The following NME7 variants were observed in gnomAD, a reference collection of about 807,000 sequenced individuals.
NME7 encodes the protein NME/NM23 family member 7.
In NME7, 41 loss-of-function variants were observed where a neutral mutation model predicts 49.1. That is an observed-to-expected ratio of 0.83 (90% confidence interval 0.65 to 1.08). NME7 has a LOEUF of 1.08. Among genes scored for constraint, NME7 ranks in the 50% least tolerant of loss-of-function variants. The pLI is 0.00. For missense variants in NME7, 423 were observed against 463.4 expected (o/e 0.91, Z 0.80); for synonymous variants, 139 against 150.6 (o/e 0.92, Z 0.56).
In NME7 at chr1:169,367,694, C is replaced by G. The variant is rs376146232; in HGVS notation, c.3+14G>C. On this transcript the variant is annotated intron_variant, in intron 1 of 11. Coordinates refer to ENST00000367811, the MANE Select transcript of NME7 (RefSeq NM_013330.5). ...GACCCCAGAGCCGTTCTTCTGGCAT[C>G]CCCTGGCACTCACCATTGTCTCAGG... is the stretch of plus-strand genomic sequence containing the variant. 1 of 1,614,044 alleles carries G rather than the reference C, an allele frequency of 6.2e-7. No homozygotes were observed. The highest frequency in any genetic ancestry group is 1.7e-5 in the Admixed American group (1 of 60,006).
At chr1:169,259,826 C>T (rs1420876837) in intron 7 of NME7, among the ~76,000 whole-genome samples, 2 of 133,814 alleles carry the variant, frequency 1.5e-5, no homozygotes, top group East Asian at 2.0e-4. Flanking sequence ...CTTTTAAAAA[C>T]GGAGAAGAAA....
At position 169,207,615 on chromosome 1, in the gene NME7, G is replaced by A. The variant is rs555815742; in HGVS notation, c.990+23103C>T. Among the ~76,000 whole-genome samples, 11 of 152,170 alleles carry A rather than the reference G, an allele frequency of 7.2e-5. No homozygotes were observed. In the South Asian group the frequency reaches 2.3e-3, roughly 32 times the overall value. On this transcript the variant is annotated intron_variant, in intron 10 of 11. Coordinates refer to ENST00000367811, the MANE Select transcript of NME7 (RefSeq NM_013330.5). Reference sequence around the variant, plus strand: ...TTTTTCCAAATTCCTTTAACTAAAGGCAATCTTTTTCACCTTATAACTAGA... The same window carrying A: ...TTTTTCCAAATTCCTTTAACTAAAGACAATCTTTTTCACCTTATAACTAGA...
rs1235416813 is a variant in NME7, at chr1:169,274,855, T to A, written c.754+12448A>T. Reference sequence around the variant, plus strand: ...CTGTTTTGGTACCAGTACCATGCTGTTTTGGTTACTGTAGCCTTGTAGTAT... The same window carrying A: ...CTGTTTTGGTACCAGTACCATGCTGATTTGGTTACTGTAGCCTTGTAGTAT... On this transcript the variant is annotated intron_variant, in intron 7 of 11. Transcript: ENST00000367811. 3.7e-5 allele frequency among the ~76,000 whole-genome samples: 5 copies of A among 133,806 alleles called. 1 individual carries two copies. In the South Asian group the frequency reaches 1.2e-3, roughly 31 times the overall value. 87.8% of individuals were successfully genotyped at this position (133,806 alleles called of 152,430 possible). A position where few individuals can be genotyped will look rare whatever the true frequency, so the allele number is the denominator to read the frequency against.
chr1:169,246,540 A>C (rs962639942), intron 7 of NME7, among the ~76,000 whole-genome samples: 1 of 152,180 alleles, frequency 6.6e-6, no homozygotes, highest in African/African-American at 2.4e-5. Flanking sequence ...TTCCTTACCA[A>C]TTTCCTAACA....
intron 5 of NME7, 133 bp from the exon 6 acceptor site, chr1:169,298,896 A>G: frequency 1.2e-6 from 1 of 813,476 alleles, no homozygotes; most frequent in Non-Finnish European, 1.9e-6. Context: ...CATTAAGCAT[A>G]GTTAATTTTA....
At chr1:169,217,943 T>C (rs1302691291) in intron 10 of NME7, among the ~76,000 whole-genome samples, 1 of 152,158 alleles carries the variant, frequency 6.6e-6, no homozygotes, top group East Asian at 1.9e-4. Flanking sequence ...ACATTTATAC[T>C]TCCCTTTTCT....
intron 1 of NME7, among the ~76,000 whole-genome samples, chr1:169,327,852 T>C (rs762501621): frequency 3.3e-5 from 5 of 152,188 alleles, no homozygotes; most frequent in Non-Finnish European, 5.9e-5. Flanking sequence ...GTGGATCATA[T>C]GAAATTAACA....
At chr1:169,203,052 A>G (rs12039443) in intron 10 of NME7, among the ~76,000 whole-genome samples, 56,090 of 151,956 alleles carry the variant, frequency 0.37, 10,952 homozygotes, top group Non-Finnish European at 0.44. Context: ...ACTGCACAGG[A>G]TGGCTTGCCT....
At chr1:169,295,843 T>C (rs1021956847) in intron 6 of NME7, among the ~76,000 whole-genome samples, 3 of 152,146 alleles carry the variant, frequency 2.0e-5, no homozygotes, top group Non-Finnish European at 4.4e-5. Flanking sequence ...CAATACCTTA[T>C]ACCTCATCCT....
intron 1 of NME7, among the ~76,000 whole-genome samples, chr1:169,339,666 A>T (rs1163237416): frequency 6.6e-6 from 1 of 152,182 alleles, no homozygotes; most frequent in Non-Finnish European, 1.5e-5. Flanking sequence ...GATGTGCTAG[A>T]CATTTTCCAT....
At chr1:169,296,661 A>T (rs1650721134) in intron 6 of NME7, among the ~76,000 whole-genome samples, 1 of 152,126 alleles carries the variant, frequency 6.6e-6, no homozygotes. Flanking sequence ...TAAATGTCCA[A>T]AACGTTAACT....
intron 7 of NME7, among the ~76,000 whole-genome samples, chr1:169,278,937 GC>G (rs907798832): frequency 1.3e-5 from 2 of 152,194 alleles, no homozygotes; most frequent in African/African-American, 2.4e-5. Flanking sequence ...GTTGGAGTTT[GC>G]TAGAGGTCCA....
rs1226373929 is a variant in NME7 at position 169,274,019 on chromosome 1, T to C, written c.754+13284A>G. 3.8e-5 allele frequency among the ~76,000 whole-genome samples: 5 copies of C among 131,880 alleles called. 2 individuals carry two copies. The highest frequency in any genetic ancestry group is 8.9e-5 in the Non-Finnish European group (5 of 56,288). 86.5% of individuals were successfully genotyped at this position (131,880 alleles called of 152,430 possible). On this transcript the variant is annotated intron_variant, in intron 7 of 11. Coordinates refer to ENST00000367811, the MANE Select transcript of NME7 (RefSeq NM_013330.5). ...CTGGGTCAAATGGTATTTCTAGTTC[T>C]AGATCCCTGAGGAATCGCCACACTG...
chr1:169,259,220 A>G (rs907344477), intron 7 of NME7, among the ~76,000 whole-genome samples: 1 of 132,936 alleles, frequency 7.5e-6, no homozygotes, highest in African/African-American at 2.5e-5. Context: ...CCACCCTCGA[A>G]GCCCTCTATA....
chr1:169,361,545 C>T (rs1255672225), intron 1 of NME7, among the ~76,000 whole-genome samples: 1 of 152,096 alleles, frequency 6.6e-6, no homozygotes, highest in Non-Finnish European at 1.5e-5. Context: ...TTTGGAAGGC[C>T]GAGGCAGGCG....
At chr1:169,353,291 G>T (rs1653247395) in intron 1 of NME7, among the ~76,000 whole-genome samples, 1 of 151,996 alleles carries the variant, frequency 6.6e-6, no homozygotes, top group Non-Finnish European at 1.5e-5. Context: ...ACATATATTG[G>T]AGAAGACAGC....
intron 10 of NME7, among the ~76,000 whole-genome samples, chr1:169,204,273 C>T (rs147046067): frequency 1.3e-5 from 2 of 151,058 alleles, no homozygotes; most frequent in African/African-American, 4.9e-5. Context: ...TACTGGCTGC[C>T]TCTCCTCCTA....
intron 11 of NME7, among the ~76,000 whole-genome samples, chr1:169,148,169 A>G (rs1231810394): frequency 6.6e-6 from 1 of 151,890 alleles, no homozygotes; most frequent in African/African-American, 2.4e-5. Flanking sequence ...CACCTGGCTA[A>G]TTTTTGTATT....
At chr1:169,136,081 G>C (rs1184816722) in intron 11 of NME7, among the ~76,000 whole-genome samples, 1 of 152,070 alleles carries the variant, frequency 6.6e-6, no homozygotes, top group East Asian at 1.9e-4. Flanking sequence ...GAGGTGACAC[G>C]GGTTAATTTA....
Sources: gnomAD v4.1 joint callset for allele counts (sites outside exome capture counted in the v4.1 genomes callset) on GRCh38, gnomAD v4.1.1 for gene constraint, MANE v1.5 for transcripts, NCBI Gene and HGNC (gene_info 2026-07-23, HGNC 2026-07-21) for gene names.